Variants in GRXCR1 observed in about 807,000 individuals in gnomAD.
GRXCR1 encodes the protein glutaredoxin domain-containing cysteine-rich protein 1.
A neutral mutation model predicts 27.3 loss-of-function variants in GRXCR1; 27 were observed. The ratio of observed to expected loss-of-function variants is 0.99; its 90% CI spans 0.73 to 1.37. GRXCR1 has a LOEUF of 1.37. GRXCR1 is among the 40% of genes most tolerant of loss of function. The probability of loss-of-function intolerance (pLI) is 0.00; values close to 1 mark genes in which losing one functional copy is unlikely to be tolerated. For synonymous variants in GRXCR1, 122 were observed against 131.1 expected (o/e 0.93, Z 0.47); for missense variants, 379 against 354.4 (o/e 1.07, Z -0.56).
intron 1 of GRXCR1, among the ~76,000 whole-genome samples, chr4:42,932,833 T>C (rs1012772732): frequency 4.0e-5 from 6 of 151,458 alleles, no homozygotes; most frequent in Admixed American, 6.6e-5. Flanking sequence ...CTCCTGAGTT[T>C]GAGAGAGTTG....
chr4:43,027,117 T>C (rs1240720095), intron 3 of GRXCR1, among the ~76,000 whole-genome samples: 1 of 152,234 alleles, frequency 6.6e-6, no homozygotes, highest in Non-Finnish European at 1.5e-5. Context: ...TAGCAGTTAA[T>C]AAAAATCATT....
chr4:42,979,715 T>C (rs530190299), intron 2 of GRXCR1, among the ~76,000 whole-genome samples: 38 of 150,406 alleles, frequency 2.5e-4, no homozygotes, highest in Non-Finnish European at 5.0e-4. Flanking sequence ...TTGGAAGAGA[T>C]TTTTTTGGTG....
At chr4:42,905,903 A>C (rs1205025355) in intron 1 of GRXCR1, among the ~76,000 whole-genome samples, 1 of 152,196 alleles carries the variant, frequency 6.6e-6, no homozygotes, top group Non-Finnish European at 1.5e-5. Context: ...ACAAACAAGC[A>C]ACAGTGCCTG....
intron 2 of GRXCR1, among the ~76,000 whole-genome samples, chr4:42,970,394 A>G (rs1322783780): frequency 1.3e-5 from 2 of 152,040 alleles, no homozygotes; most frequent in Non-Finnish European, 2.9e-5. Context: ...TGAGGACTCT[A>G]CCCCTCTGGC....
At chr4:42,995,885 G>T (rs1712139997) in intron 2 of GRXCR1, among the ~76,000 whole-genome samples, 2 of 152,196 alleles carry the variant, frequency 1.3e-5, no homozygotes, top group South Asian at 2.1e-4. Flanking sequence ...GGACTTAGAA[G>T]TTGTTCAGTG....
intron 2 of GRXCR1, among the ~76,000 whole-genome samples, chr4:42,963,926 A>G (rs903541512): frequency 5.9e-5 from 9 of 151,984 alleles, no homozygotes; most frequent in Admixed American, 4.6e-4. Flanking sequence ...TCTTGGTTTC[A>G]TTTAGCATCT....
chr4:42,943,544 C>T (rs528654886), intron 1 of GRXCR1, among the ~76,000 whole-genome samples: 1 of 152,068 alleles, frequency 6.6e-6, no homozygotes, highest in Admixed American at 6.6e-5. Context: ...TAATAAGCAC[C>T]TCCTGTGGGT....
In GRXCR1 at chr4:42,979,818, ACTTT is replaced by A. The variant is rs1748607597; in HGVS notation, c.627+16687_627+16690del. ...GTCTTGGGCTTTTGTATGATGAAAT[ACTTT>A]CTATTACTTATTCAATCTCCTTATT... On this transcript the variant is annotated intron_variant, in intron 2 of 3. Transcript: ENST00000399770. Among the ~76,000 whole-genome samples the A allele has an allele frequency of 2.0e-5, 3 of 151,988 alleles. No individual in the cohort carries two copies. In the South Asian group the frequency reaches 6.2e-4, roughly 31 times the overall value.
At chr4:42,987,696 G>T (rs1711824850) in intron 2 of GRXCR1, among the ~76,000 whole-genome samples, 3 of 152,092 alleles carry the variant, frequency 2.0e-5, no homozygotes, top group African/African-American at 7.2e-5. Context: ...TAACCATGTT[G>T]GATTTCCCTA....
chr4:42,987,248 A>ATATAT (rs370379241), intron 2 of GRXCR1, among the ~76,000 whole-genome samples: 1 of 67,564 alleles, frequency 1.5e-5, no homozygotes, highest in African/African-American at 5.2e-5. Flanking sequence ...TATAATATAT[A>ATATAT]ATATATATAT....
Position 42,956,852 on chromosome 4 carries a change from G to A in GRXCR1, c.385-6040G>A, listed in dbSNP as rs181839873. ...CCTTCTTTACTTATCATTTTGAAAC[G>A]TAAACCAGGTTTAGTGCAACTCCTT... On this transcript the variant is annotated intron_variant, in intron 1 of 3. Transcript: ENST00000399770. Among the ~76,000 whole-genome samples the A allele has an allele frequency of 8.0e-4, 122 of 152,124 alleles. 1 individual carries two copies. Among genetic ancestry groups the A allele is most frequent in the African/African-American group, 2.7e-3 (112 of 41,532 alleles).
chr4:42,930,507 C>T lies in GRXCR1; in HGVS notation c.385-32385C>T, dbSNP rs547874186. 4.6e-4 allele frequency among the ~76,000 whole-genome samples: 70 copies of T among 152,058 alleles called. 2 individuals carry two copies. The South Asian group carries it at 0.011, about 23-fold the overall frequency. ...TTTCCTATCTCTCCTCTCCTTTTATCCCTCTATGTAGTTGTCTAGCTTCTG... is the reference window on the plus strand; with the variant it reads ...TTTCCTATCTCTCCTCTCCTTTTATTCCTCTATGTAGTTGTCTAGCTTCTG... On this transcript the variant is annotated intron_variant, in intron 1 of 3. Coordinates refer to ENST00000399770, the MANE Select transcript of GRXCR1 (RefSeq NM_001080476.3).
intron 2 of GRXCR1, among the ~76,000 whole-genome samples, chr4:42,998,739 A>G (rs1712256415): frequency 6.6e-6 from 1 of 152,210 alleles, no homozygotes; most frequent in Non-Finnish European, 1.5e-5. Context: ...TCTTGTTTCA[A>G]GGAATAATTA....
intron 1 of GRXCR1, among the ~76,000 whole-genome samples, chr4:42,899,186 G>T (rs1746412984): frequency 6.6e-6 from 1 of 152,062 alleles, no homozygotes; most frequent in Non-Finnish European, 1.5e-5. Flanking sequence ...TTTGGGTTTG[G>T]AGATTTCCCA....
chr4:42,951,211 C>T (rs1747874502), intron 1 of GRXCR1, among the ~76,000 whole-genome samples: 1 of 152,150 alleles, frequency 6.6e-6, no homozygotes, highest in African/African-American at 2.4e-5. Context: ...CCTTCCTCTG[C>T]CTTTTTGTTC....
At chr4:42,983,098 G>C (rs1319457639) in intron 2 of GRXCR1, among the ~76,000 whole-genome samples, 12 of 150,442 alleles carry the variant, frequency 8.0e-5, no homozygotes, top group African/African-American at 2.7e-4. Flanking sequence ...TGTTGCCATT[G>C]CTTTTGGTGT....
At chr4:42,931,882 C>G (rs1174418379) in intron 1 of GRXCR1, among the ~76,000 whole-genome samples, 1 of 151,934 alleles carries the variant, frequency 6.6e-6, no homozygotes, top group Non-Finnish European at 1.5e-5. Context: ...TTAATTGACC[C>G]ACAGTTCCAC....
chr4:42,929,119 C>G (rs1186755011), intron 1 of GRXCR1, among the ~76,000 whole-genome samples: 3 of 151,970 alleles, frequency 2.0e-5, no homozygotes, highest in Non-Finnish European at 2.9e-5. Flanking sequence ...GATATAATTT[C>G]TTACTATGTC....
chr4:42,998,378 A>G (rs1712242818), intron 2 of GRXCR1, among the ~76,000 whole-genome samples: 1 of 152,234 alleles, frequency 6.6e-6, no homozygotes, highest in Non-Finnish European at 1.5e-5. Flanking sequence ...CCACATTTTT[A>G]TTCATGTACA....
Sources: allele counts gnomAD v4.1 joint callset (sites outside exome capture counted in the v4.1 genomes callset), GRCh38; gene constraint gnomAD v4.1.1; transcripts MANE v1.5; gene names NCBI Gene and HGNC (gene_info 2026-07-23, HGNC 2026-07-21).